Variants in CDH12 observed in about 807,000 individuals in gnomAD.
The protein encoded by CDH12 is cadherin 12.
CDH12 carries 41 observed loss-of-function variants against 74.1 expected under a neutral mutation model. That is an observed-to-expected ratio of 0.55 (90% CI 0.43 to 0.72). The LOEUF (loss-of-function observed/expected upper bound fraction) is 0.72. Among genes scored for constraint, CDH12 ranks in the 30% least tolerant of loss-of-function variants. The pLI is 0.00. For missense variants in CDH12, 945 were observed against 977.2 expected, an observed-to-expected ratio of 0.97 and a Z score of 0.44; for synonymous variants, 399 against 355.0, an observed-to-expected ratio of 1.12 and a Z score of -1.39.
At chr5:22,544,580 C>T (rs956918159) in intron 1 of CDH12, among the ~76,000 whole-genome samples, 4 of 152,022 alleles carry the variant, frequency 2.6e-5, no homozygotes, top group Non-Finnish European at 5.9e-5. Context: ...CTTCGAGAGG[C>T]CGAGGTGGGA....
In CDH12 at chr5:22,678,045, G is replaced by T. The variant is rs375695384; in HGVS notation, c.-522-172681C>A. 8.5e-3 allele frequency among the ~76,000 whole-genome samples: 166 copies of T among 19,622 alleles called. 2 individuals carry two copies. Among genetic ancestry groups the T allele is most frequent in the African/African-American group, 0.025 (145 of 5,802 alleles). 12.9% of individuals were successfully genotyped at this position (19,622 alleles called of 152,430 possible). ...GGCTCACCTCCTATACCATCCTCAT[G>T]GGGGGGGGGGTTAGGATTTTAATGT... On this transcript the variant is annotated intron_variant, in intron 1 of 14. Coordinates refer to ENST00000382254, the MANE Select transcript of CDH12 (RefSeq NM_004061.5).
At chr5:22,423,348 G>A (rs972490569) in intron 2 of CDH12, among the ~76,000 whole-genome samples, 1 of 152,092 alleles carries the variant, frequency 6.6e-6, no homozygotes, top group Non-Finnish European at 1.5e-5. Flanking sequence ...GAGATGTGCA[G>A]AAACCAAGAG....
intron 4 of CDH12, among the ~76,000 whole-genome samples, chr5:22,153,883 TATATAA>T (rs747218828): frequency 1.4e-3 from 73 of 51,162 alleles, no homozygotes; most frequent in East Asian, 8.0e-3. Context: ...TATATATATA[TATATAA>T]ATATATATAT....
intron 8 of CDH12, among the ~76,000 whole-genome samples, chr5:21,840,126 G>A (rs146043376): frequency 2.6e-3 from 402 of 152,160 alleles, no homozygotes; most frequent in African/African-American, 9.0e-3. Flanking sequence ...ATTTGGAAAT[G>A]ATTCAACACA....
chr5:22,086,669 G>C (rs1191177619), intron 4 of CDH12, among the ~76,000 whole-genome samples: 1 of 151,524 alleles, frequency 6.6e-6, no homozygotes, highest in Non-Finnish European at 1.5e-5. Flanking sequence ...AATTTTAACT[G>C]ATATGAAAAT....
chr5:22,698,735 AGTGTGTG>A (rs1742552551), intron 1 of CDH12, among the ~76,000 whole-genome samples: 10 of 14,512 alleles, frequency 6.9e-4, no homozygotes, highest in African/African-American at 2.5e-3. Context: ...ATATATATAT[AGTGTGTG>A]TGTGTGTGTG....
In CDH12 at chr5:22,106,532, A is replaced by G. The variant is rs916093343; in HGVS notation, c.-186-27670T>C. 2.6e-5 allele frequency among the ~76,000 whole-genome samples: 4 copies of G among 152,236 alleles called. No individual in the cohort carries two copies. In the East Asian group the frequency reaches 7.7e-4, roughly 29 times the overall value. ...ATTGAATTTGACTATGTTCTAAACT[A>G]CAGACACTCTTCTAAAAACTTTATG... On this transcript the variant is annotated intron_variant, in intron 4 of 14. Transcript: ENST00000382254.
intron 6 of CDH12, chr5:21,883,083 C>A: frequency 1.2e-6 from 2 of 1,608,116 alleles, no homozygotes; most frequent in Admixed American, 1.7e-5. Flanking sequence ...TGTGACCACC[C>A]CTGAAGAAAT....
At chr5:22,551,963 A>G (rs1327106969) in intron 1 of CDH12, among the ~76,000 whole-genome samples, 2 of 149,138 alleles carry the variant, frequency 1.3e-5, no homozygotes, top group East Asian at 4.2e-4. Flanking sequence ...ACTACTAAAC[A>G]TTTTAATAGT....
intron 4 of CDH12, among the ~76,000 whole-genome samples, chr5:22,121,553 G>A (rs1038648581): frequency 9.9e-5 from 15 of 152,170 alleles, no homozygotes; most frequent in African/African-American, 3.6e-4. Context: ...TAATTTGCAA[G>A]TAGGGTAAAA....
intron 4 of CDH12, among the ~76,000 whole-genome samples, chr5:22,087,055 T>A (rs1160571337): frequency 6.6e-6 from 1 of 152,060 alleles, no homozygotes; most frequent in Non-Finnish European, 1.5e-5. Context: ...AAGAAAAATC[T>A]GAGAAACTGT....
intron 6 of CDH12, among the ~76,000 whole-genome samples, chr5:21,905,017 T>A (rs1561288288): frequency 6.6e-6 from 1 of 152,170 alleles, no homozygotes; most frequent in East Asian, 1.9e-4. Context: ...ATCACATGGC[T>A]CAGCTATAAA....
intron 4 of CDH12, among the ~76,000 whole-genome samples, chr5:22,201,436 G>GCATGTTCTCA (rs1365009001): frequency 1.1e-4 from 16 of 152,066 alleles, no homozygotes; most frequent in Non-Finnish European, 1.9e-4. Flanking sequence ...GACAAATACC[G>GCATGTTCTCA]CATGTTCTCA....
rs183078684 is a variant in CDH12 at position 22,689,996 on chromosome 5, G to A, written c.-523+163062C>T. 4.7e-3 allele frequency among the ~76,000 whole-genome samples: 709 copies of A among 152,182 alleles called. 6 individuals are homozygous for A. Among genetic ancestry groups the A allele is most frequent in the Non-Finnish European group, 6.3e-3 (428 of 67,960 alleles). The stretch of plus-strand genomic sequence containing the variant: ...CACAGAGATGATGGTATTTCACCTG[G>A]TTTTCAAAGATAGTTAGATTTAGAC... On this transcript the variant is annotated intron_variant, in intron 1 of 14. Coordinates refer to ENST00000382254, the MANE Select transcript of CDH12 (RefSeq NM_004061.5).
chr5:21,929,014 G>T (rs927352745), intron 6 of CDH12, among the ~76,000 whole-genome samples: 1 of 151,824 alleles, frequency 6.6e-6, no homozygotes, highest in African/African-American at 2.4e-5. Flanking sequence ...CACCCTTCCT[G>T]CACAGATTTT....
At chr5:22,345,078 T>C (rs1392143458) in intron 3 of CDH12, among the ~76,000 whole-genome samples, 2 of 152,220 alleles carry the variant, frequency 1.3e-5, no homozygotes, top group Non-Finnish European at 2.9e-5. Context: ...TAAAACACAA[T>C]GTCTTAAACT....
At chr5:21,947,821 G>T (rs1755648425) in intron 6 of CDH12, among the ~76,000 whole-genome samples, 1 of 152,194 alleles carries the variant, frequency 6.6e-6, no homozygotes, top group Non-Finnish European at 1.5e-5. Flanking sequence ...GAGGAAAAAA[G>T]GTTTCATGGG....
At chr5:22,447,617 G>A (rs971972198) in intron 2 of CDH12, among the ~76,000 whole-genome samples, 5 of 151,996 alleles carry the variant, frequency 3.3e-5, no homozygotes, top group Admixed American at 2.6e-4. Flanking sequence ...ATATGCAATT[G>A]ATCTTAAACT....
intron 2 of CDH12, among the ~76,000 whole-genome samples, chr5:22,500,420 G>C (rs1399071921): frequency 6.6e-6 from 1 of 152,050 alleles, no homozygotes; most frequent in African/African-American, 2.4e-5. Flanking sequence ...ATATTTGTAA[G>C]GTCATTTTTC....
Sources: gnomAD v4.1 joint callset for allele counts (sites outside exome capture counted in the v4.1 genomes callset) on GRCh38, gnomAD v4.1.1 for gene constraint, MANE v1.5 for transcripts, NCBI Gene and HGNC (gene_info 2026-07-23, HGNC 2026-07-21) for gene names.